FBXL7: variants seen among roughly 807,000 people sequenced by gnomAD.
FBXL7 encodes F-box/LRR-repeat protein 7.
FBXL7 carries 12 observed loss-of-function variants against 38.3 expected under a neutral mutation model. That is an observed-to-expected ratio of 0.31 (90% CI 0.20 to 0.51). The LOEUF is 0.51. FBXL7 is among the 20% of genes least tolerant of loss of function. The pLI is 0.98. For synonymous variants in FBXL7, 297 were observed against 300.9 expected (o/e 0.99, Z 0.13); for missense variants, 567 against 676.4 (o/e 0.84, Z 1.79).
At chr5:15,695,754 T>G (rs147048363) in intron 2 of FBXL7, among the ~76,000 whole-genome samples, 4 of 152,272 alleles carry the variant, frequency 2.6e-5, no homozygotes, top group African/African-American at 9.6e-5. Context: ...CCCAGAAAGA[T>G]TATCATACAA....
intron 2 of FBXL7, among the ~76,000 whole-genome samples, chr5:15,749,852 C>T (rs1396790981): frequency 2.0e-5 from 3 of 152,156 alleles, no homozygotes; most frequent in Non-Finnish European, 4.4e-5. Context: ...CTTGAAGAGC[C>T]CAGGAGACTC....
intron 2 of FBXL7, among the ~76,000 whole-genome samples, chr5:15,913,711 AAAGTGCAACTCG>A (rs1741505255): frequency 6.6e-6 from 1 of 152,266 alleles, no homozygotes; most frequent in Non-Finnish European, 1.5e-5. Context: ...GCAGCTACAT[AAAGTGCAACTCG>A]AAGATTGAAA....
At position 15,574,691 on chromosome 5, in the gene FBXL7, G is replaced by C. The variant is rs1048690825; in HGVS notation, c.38-41292G>C. On this transcript the variant is annotated intron_variant, in intron 1 of 3. Transcript: ENST00000504595. ...ATGGAGAGAGTGAGAGAGTAAGCCT[G>C]CCCGTGTGAGGTGCTTGTAAGCCTG... Among the ~76,000 whole-genome samples the C allele has an allele frequency of 7.2e-5, 11 of 152,262 alleles. No homozygotes were observed. The East Asian group carries it at 2.1e-3, about 29-fold the overall frequency.
intron 1 of FBXL7, among the ~76,000 whole-genome samples, chr5:15,560,446 A>G (rs982964011): frequency 3.9e-5 from 6 of 152,190 alleles, no homozygotes; most frequent in African/African-American, 1.4e-4. Context: ...CAGAACTACA[A>G]ATGGTTCCAA....
chr5:15,596,504 ATAAG>A (rs1739629339), intron 1 of FBXL7, among the ~76,000 whole-genome samples: 1 of 152,232 alleles, frequency 6.6e-6, no homozygotes, highest in African/African-American at 2.4e-5. Context: ...CTCCACAAAA[ATAAG>A]TAAGAATTTG....
chr5:15,746,495 C>G (rs1468307863), intron 2 of FBXL7, among the ~76,000 whole-genome samples: 3 of 151,694 alleles, frequency 2.0e-5, no homozygotes, highest in Non-Finnish European at 4.4e-5. Context: ...TGGTGAGGGC[C>G]CATTTCCTCA....
At chr5:15,743,340 A>G (rs1579426219) in intron 2 of FBXL7, among the ~76,000 whole-genome samples, 1 of 152,376 alleles carries the variant, frequency 6.6e-6, no homozygotes, top group East Asian at 1.9e-4. Flanking sequence ...ACCTGTTCCA[A>G]ATGAGAGAAA....
intron 2 of FBXL7, among the ~76,000 whole-genome samples, chr5:15,661,842 T>C (rs960158638): frequency 6.6e-6 from 1 of 152,246 alleles, no homozygotes; most frequent in African/African-American, 2.4e-5. Flanking sequence ...CCTCCATCCA[T>C]GTTTCCACAA....
intron 1 of FBXL7, among the ~76,000 whole-genome samples, chr5:15,574,479 A>G (rs1738893425): frequency 6.6e-6 from 1 of 152,240 alleles, no homozygotes; most frequent in Non-Finnish European, 1.5e-5. Context: ...TAGTAGGTGC[A>G]AATATTTCTG....
chr5:15,802,695 C>A (rs1216879163), intron 2 of FBXL7, among the ~76,000 whole-genome samples: 1 of 151,610 alleles, frequency 6.6e-6, no homozygotes, highest in Admixed American at 6.6e-5. Context: ...ATGCTGTTGT[C>A]CAGGCTGGAG....
At chr5:15,514,840 AGCCACAT>A (rs1252895984) in intron 1 of FBXL7, among the ~76,000 whole-genome samples, 2 of 152,088 alleles carry the variant, frequency 1.3e-5, no homozygotes. Context: ...GGGAGCGGGG[AGCCACAT>A]GCAGTGACTA....
chr5:15,799,070 C>T (rs1250020090), intron 2 of FBXL7, among the ~76,000 whole-genome samples: 1 of 152,192 alleles, frequency 6.6e-6, no homozygotes, highest in African/African-American at 2.4e-5. Context: ...GGCAGGTGCT[C>T]AGCACTGACC....
At chr5:15,620,262 C>A (rs1464016306) in intron 2 of FBXL7, among the ~76,000 whole-genome samples, 1 of 134,188 alleles carries the variant, frequency 7.5e-6, no homozygotes, top group Non-Finnish European at 1.6e-5. Flanking sequence ...GACAGAGTTT[C>A]ACTCTTGTTG....
intron 2 of FBXL7, among the ~76,000 whole-genome samples, chr5:15,679,558 G>GTTTTTTTTTTTTTTTTT (rs34375125): frequency 3.2e-5 from 4 of 125,128 alleles, no homozygotes; most frequent in Non-Finnish European, 3.4e-5. Context: ...ATGCTTCATT[G>GTTTTTTTTTTTTTTTTT]TTTTTTTTTT....
At chr5:15,812,248 AACC>A (rs1428859740) in intron 2 of FBXL7, among the ~76,000 whole-genome samples, 1 of 152,162 alleles carries the variant, frequency 6.6e-6, no homozygotes, top group African/African-American at 2.4e-5. Flanking sequence ...CAAAAAAACA[AACC>A]ACCACATGTT....
chr5:15,738,058 A>G (rs967098634), intron 2 of FBXL7, among the ~76,000 whole-genome samples: 2 of 152,156 alleles, frequency 1.3e-5, no homozygotes, highest in Admixed American at 6.5e-5. Flanking sequence ...ACTGGTGCCA[A>G]TGAAATATTC....
At chr5:15,550,802 C>T (rs1287360229) in intron 1 of FBXL7, among the ~76,000 whole-genome samples, 1 of 152,222 alleles carries the variant, frequency 6.6e-6, no homozygotes, top group South Asian at 2.1e-4. Flanking sequence ...AATGAGACCT[C>T]TGTCATCTCA....
intron 2 of FBXL7, among the ~76,000 whole-genome samples, chr5:15,737,405 A>C (rs1735784514): frequency 6.6e-6 from 1 of 152,216 alleles, no homozygotes; most frequent in Non-Finnish European, 1.5e-5. Flanking sequence ...AATGCCATAG[A>C]TAGACTTACT....
intron 2 of FBXL7, among the ~76,000 whole-genome samples, chr5:15,792,695 C>T (rs1444857360): frequency 6.6e-6 from 1 of 152,200 alleles, no homozygotes; most frequent in Non-Finnish European, 1.5e-5. Context: ...TGTTCATGCT[C>T]TACAGCACCA....
Sources: allele counts gnomAD v4.1 joint callset (sites outside exome capture counted in the v4.1 genomes callset), GRCh38; gene constraint gnomAD v4.1.1; transcripts MANE v1.5; gene names NCBI Gene and HGNC (gene_info 2026-07-23, HGNC 2026-07-21).